Variants in NPC1L1 observed in about 807,000 individuals in gnomAD.
NPC1L1 encodes the protein NPC1 like intracellular cholesterol transporter 1.
In NPC1L1, 98 loss-of-function variants were observed where a neutral mutation model predicts 117.0. That is an observed-to-expected ratio of 0.84 (90% CI 0.71 to 0.99). The LOEUF is 0.99. Ranked by LOEUF, NPC1L1 falls within the 50% of genes least tolerant of loss-of-function variation. The pLI is 0.00. For synonymous variants in NPC1L1, 729 were observed against 727.6 expected (o/e 1.00, Z -0.03); for missense variants, 1,540 against 1,710.0 (o/e 0.90, Z 1.75).
intron 18 of NPC1L1, among the ~76,000 whole-genome samples, chr7:44,514,353 C>T (rs965915164): frequency 6.6e-6 from 1 of 152,190 alleles, no homozygotes; most frequent in African/African-American, 2.4e-5. Flanking sequence ...ACATGAGCCA[C>T]CACTCCTGGC....
chr7:44,533,810 C>A lies in NPC1L1; in HGVS notation c.2210G>T (p.Gly737Val). 6.2e-7 allele frequency: 1 copy of A among 1,613,674 alleles called. No homozygotes were observed. Among genetic ancestry groups the A allele is most frequent in the Non-Finnish European group, 8.5e-7 (1 of 1,179,920 alleles). Residue 737 changes from glycine (G) to valine (V), a missense_variant, in exon 7 of 19, where the codon GGG (glycine) becomes GTG (valine). Gly to Val is a moderately radical substitution (Grantham distance 109). Around this residue, in one of 3 missense-constraint regions of NPC1L1, gnomAD observed 742 missense variants for 873.6 expected, o/e 0.85. Transcript: ENST00000381160. ...RPGEPREVHI[G>V]RALGRVAPSM... ...GGGAGCCACCCTGCCTAGGGCTCGC[C>A]CAATGTGGACCTCTCGTGGCTCCCC...
intron 16 of NPC1L1, among the ~76,000 whole-genome samples, chr7:44,516,446 A>T (rs1306166888): frequency 6.6e-6 from 1 of 152,124 alleles, no homozygotes. Context: ...TCTACAACAA[A>T]AATTAAAATA....
chr7:44,536,035 C>T lies in NPC1L1; in HGVS notation c.1855-67G>A. ...CTTCAGCCAGGCCAGCTCTCAATAG[C>T]TCGGTCACTGGGCACTAATTGTGTG... On this transcript the variant is annotated intron_variant, in intron 4 of 18. Transcript: ENST00000381160. The surrounding 1 kb of genome is among the most constrained non-coding windows in gnomAD (Gnocchi z 4.7). 1.2e-6 allele frequency: 2 copies of T among 1,610,622 alleles called. No homozygotes were observed. Among genetic ancestry groups the T allele is most frequent in the South Asian group, 2.2e-5 (2 of 90,604 alleles).
rs766583228 is a variant in NPC1L1, at chr7:44,536,885, G to A, written c.1638C>T (p.Tyr546=). ...CAAGGAAGGGGAAGACAGGGGCCCC[G>A]TAGTCAGCCATGCAGCTCAGGGCCA... ...TALALSCMAD[Y]GAPVFPFLAI... The change falls in exon 3 of 19, where the codon TAC becomes TAT. Residue 546 remains tyrosine, a synonymous_variant. Coordinates refer to ENST00000381160, the MANE Select transcript of NPC1L1 (RefSeq NM_001101648.2). This position sits in a 1 kb window ranked among gnomAD's most constrained non-coding sequence, Gnocchi z 4.7. The A allele has an allele frequency of 5.6e-5, 90 of 1,613,964 alleles. No individual in the cohort carries two copies. Among genetic ancestry groups the A allele is most frequent in the Non-Finnish European group, 6.9e-5 (82 of 1,179,998 alleles).
chr7:44,515,545 T>C (rs977416740), intron 18 of NPC1L1, among the ~76,000 whole-genome samples: 3 of 152,166 alleles, frequency 2.0e-5, no homozygotes, highest in Non-Finnish European at 4.4e-5. Context: ...CCAACAGCAG[T>C]GCAGTGAAGA....
intron 14 of NPC1L1, 66 bp from the exon 15 acceptor site, chr7:44,517,423 G>A: frequency 6.3e-7 from 1 of 1,581,014 alleles, no homozygotes; most frequent in Non-Finnish European, 8.6e-7. Context: ...GACAACTTCA[G>A]AACACCGCAG....
At position 44,539,357 on chromosome 7, in the gene NPC1L1, C is replaced by T; in HGVS notation, c.1040G>A (p.Trp347Ter). The T allele has an allele frequency of 6.2e-7, 1 of 1,613,366 alleles. No homozygotes were observed. Among genetic ancestry groups the T allele is most frequent in the Non-Finnish European group, 8.5e-7 (1 of 1,179,428 alleles). ...LGQFFQGWGT[W>*]VASWPLTILV... Reference sequence around the variant, plus strand: ...GATGGTCAGAGGCCACGAAGCCACCCACGTGCCCCAGCCCTGGAAGAACTG... The same window carrying T: ...GATGGTCAGAGGCCACGAAGCCACCTACGTGCCCCAGCCCTGGAAGAACTG... The change falls in exon 2 of 19, where the codon TGG becomes TAG. Residue 347 changes from tryptophan to a stop codon, truncating the protein, a stop_gained. Transcript: ENST00000381160. LOFTEE classifies it high-confidence loss of function. This position sits in a 1 kb window ranked among gnomAD's most constrained non-coding sequence, Gnocchi z 4.4.
At position 44,532,188 on chromosome 7, in the gene NPC1L1, GAC is replaced by G; in HGVS notation, c.2437_2438del (p.Val813GlnfsTer72). The stretch of plus-strand genomic sequence containing the variant: ...CAGGCGGGGGCAGCTCCTGGGGCTT[GAC>G]ACAGCAGCAGACGTCCAACCGGGAG... ...EASRLDVCCC[V>X]KPQELPPPGQ... On this transcript the variant is annotated frameshift_variant, in exon 9 of 19. Transcript: ENST00000381160. LOFTEE classifies it high-confidence loss of function. The G allele has an allele frequency of 6.2e-7, 1 of 1,613,922 alleles. No individual in the cohort carries two copies. Among genetic ancestry groups the G allele is most frequent in the Non-Finnish European group, 8.5e-7 (1 of 1,180,018 alleles).
intron 10 of NPC1L1, among the ~76,000 whole-genome samples, chr7:44,529,265 A>C (rs1053447858): frequency 6.6e-6 from 1 of 152,062 alleles, no homozygotes; most frequent in African/African-American, 2.4e-5. Context: ...CAAGAGACTC[A>C]CCTTAGGTCC....
At chr7:44,531,732 G>A (rs767679548) in intron 10 of NPC1L1, 23 bp downstream of exon 10, 10 of 1,554,130 alleles carry the variant, frequency 6.4e-6, no homozygotes, top group Non-Finnish European at 8.7e-6. Context: ...GGGGCCTAAG[G>A]GTTGAGAAGG....
intron 14 of NPC1L1, among the ~76,000 whole-genome samples, chr7:44,519,057 C>T (rs1419775398): frequency 7.0e-6 from 1 of 143,856 alleles, no homozygotes; most frequent in African/African-American, 2.6e-5. Context: ...TCCTTTTCTT[C>T]TCTCTTCTTT....
At chr7:44,533,696 C>A (rs748829602) in intron 7 of NPC1L1, 43 bp downstream of exon 7, 1 of 1,609,070 alleles carries the variant, frequency 6.2e-7, no homozygotes. Context: ...GGCACTAACC[C>A]AGCAAGCCTA....
Position 44,540,359 on chromosome 7 carries a change from C to T in NPC1L1, c.55-17G>A, listed in dbSNP as rs748212202. The stretch of plus-strand genomic sequence containing the variant: ...ACTCTGGGCCTGCAGAGCACAGCAA[C>T]ATCACGCGTGGGCCCTGACACAGCT... On this transcript the variant is annotated splice_polypyrimidine_tract_variant and intron_variant, in intron 1 of 18. Coordinates refer to ENST00000381160, the MANE Select transcript of NPC1L1 (RefSeq NM_001101648.2). 3 of 1,608,508 alleles carry T rather than the reference C, an allele frequency of 1.9e-6. No homozygotes were observed. The highest frequency in any genetic ancestry group is 2.5e-6 in the Non-Finnish European group (3 of 1,179,274).
At position 44,513,178 on chromosome 7, in the gene NPC1L1, C is replaced by T. The variant is rs1801088516; in HGVS notation, c.*269G>A. 1.9e-6 allele frequency: 1 copy of T among 517,144 alleles called. No homozygotes were observed. The highest frequency in any genetic ancestry group is 1.9e-5 in the African/African-American group (1 of 52,310). 32.0% of individuals were successfully genotyped at this position (517,144 alleles called of 1,614,324 possible). On this transcript the variant is annotated 3_prime_UTR_variant, in exon 19 of 19. Transcript: ENST00000381160. Reference sequence around the variant, plus strand: ...GGGACAAACATGGAGTGTGTCTGTTCCTGCCAACTTCCAGACCCAGGCCCA... The same window carrying T: ...GGGACAAACATGGAGTGTGTCTGTTTCTGCCAACTTCCAGACCCAGGCCCA...
In NPC1L1 at chr7:44,521,780, G is replaced by T; in HGVS notation, c.2885C>A (p.Thr962Asn). 1 of 1,614,172 alleles carries T rather than the reference G, an allele frequency of 6.2e-7. No homozygotes were observed. Among genetic ancestry groups the T allele is most frequent in the African/African-American group, 1.3e-5 (1 of 75,038 alleles). ...SWVDDFIDWLTPSSCCRLYIS... is the reference protein window; with the variant it reads ...SWVDDFIDWLNPSSCCRLYIS... ...ATAAAGGCGGCAGCAGGAGGACGGG[G>T]TCAGCCAGTCAATGAAGTCATCCAC... The change falls in exon 12 of 19, where the codon ACC becomes AAC. Residue 962 changes from threonine to asparagine, a missense_variant. Coordinates refer to ENST00000381160, the MANE Select transcript of NPC1L1 (RefSeq NM_001101648.2).
Position 44,539,445 on chromosome 7 carries a change from C to A in NPC1L1, c.952G>T (p.Asp318Tyr). The A allele has an allele frequency of 6.2e-7, 1 of 1,613,986 alleles. No homozygotes were observed. Among genetic ancestry groups the A allele is most frequent in the Non-Finnish European group, 8.5e-7 (1 of 1,179,984 alleles). ...APARDKSKMV[D>Y]PKKGTSLSDK... is the part of the protein sequence containing the mutation. The stretch of plus-strand genomic sequence containing the variant: ...GAGAGGCTGGTGCCCTTCTTGGGGT[C>A]CACCATCTTGCTTTTGTCCCTGGCG... Residue 318 changes from aspartate to tyrosine, a missense_variant, in exon 2 of 19, where the codon GAC (aspartate) becomes TAC (tyrosine). Around this residue, in one of 3 missense-constraint regions of NPC1L1, gnomAD observed 793 missense variants for 820.4 expected, o/e 0.97. Coordinates refer to ENST00000381160, the MANE Select transcript of NPC1L1 (RefSeq NM_001101648.2). This position sits in a 1 kb window ranked among gnomAD's most constrained non-coding sequence, Gnocchi z 4.4.
chr7:44,531,706 C>T (rs2117057573), intron 10 of NPC1L1, 49 bp downstream of exon 10: 2 of 1,511,974 alleles, frequency 1.3e-6, no homozygotes, highest in South Asian at 2.4e-5. Context: ...TTGCTACTGC[C>T]CCTCCCCAAA....
At chr7:44,535,181 C>A (rs951644450) in intron 5 of NPC1L1, among the ~76,000 whole-genome samples, 1 of 152,148 alleles carries the variant, frequency 6.6e-6, no homozygotes, top group African/African-American at 2.4e-5. Context: ...GTCTGACCAA[C>A]ATGGAGAAAC....
chr7:44,533,943 GC>G (rs1388472016), intron 6 of NPC1L1, 90 bp from the exon 7 acceptor site: 1 of 1,065,848 alleles, frequency 9.4e-7, no homozygotes, highest in Admixed American at 2.0e-5. Context: ...GCCCAGAGCT[GC>G]AGCCAGGCCT....
Sources: allele counts gnomAD v4.1 joint callset (sites outside exome capture counted in the v4.1 genomes callset), GRCh38; gene constraint gnomAD v4.1.1; regional missense constraint gnomAD v4.1.1; non-coding constraint Gnocchi (gnomAD v3.1); transcripts MANE v1.5; gene names NCBI Gene and HGNC (gene_info 2026-07-23, HGNC 2026-07-21).